The following SORCS1 variants were observed in gnomAD, a reference collection of about 807,000 sequenced individuals.
The protein encoded by SORCS1 is sortilin related VPS10 domain containing receptor 1.
Under a neutral mutation model 146.1 loss-of-function variants are expected in SORCS1, and 60 were observed. The observed-to-expected ratio is 0.41, with a 90% CI of 0.33 to 0.51. The LOEUF (loss-of-function observed/expected upper bound fraction) is 0.51, where lower values mean the gene tolerates loss of function less well. SORCS1 is among the 20% of genes least tolerant of loss of function. The probability of loss-of-function intolerance (pLI) is 0.21; values close to 1 mark genes in which losing one functional copy is unlikely to be tolerated. For missense variants in SORCS1, 1,352 were observed against 1,487.6 expected, an observed-to-expected ratio of 0.91 and a Z score of 1.50; for synonymous variants, 637 against 584.0, an observed-to-expected ratio of 1.09 and a Z score of -1.31.
chr10:107,085,228 G>A (rs138144811), intron 1 of SORCS1, among the ~76,000 whole-genome samples: 2 of 152,250 alleles, frequency 1.3e-5, no homozygotes, highest in African/African-American at 2.4e-5. Context: ...ACTCTATCTC[G>A]AGGACCCTGA....
chr10:107,175,343 ATTTG>A, the SORCS1 span, among the ~76,000 whole-genome samples: 2 of 152,058 alleles, frequency 1.3e-5, no homozygotes, highest in Non-Finnish European at 2.9e-5. Flanking sequence ...TTTCTTCCTT[ATTTG>A]TTTGAATGAA....
At chr10:106,596,385 T>C (rs937259746) in intron 24 of SORCS1, among the ~76,000 whole-genome samples, 5 of 152,238 alleles carry the variant, frequency 3.3e-5, no homozygotes, top group African/African-American at 1.2e-4. Flanking sequence ...TAAATATTGT[T>C]AATTTATTAT....
intron 6 of SORCS1, among the ~76,000 whole-genome samples, chr10:106,723,200 A>G (rs1488150239): frequency 6.6e-6 from 1 of 152,150 alleles, no homozygotes; most frequent in Non-Finnish European, 1.5e-5. Flanking sequence ...TTGGGCTCTA[A>G]GTTATCTTTT....
At chr10:106,946,026 C>G (rs577271480) in intron 2 of SORCS1, among the ~76,000 whole-genome samples, 1 of 152,128 alleles carries the variant, frequency 6.6e-6, no homozygotes. Context: ...GGGCTTTTCC[C>G]ACTTGGCACT....
intron 1 of SORCS1, among the ~76,000 whole-genome samples, chr10:107,131,987 A>T (rs540042945): frequency 4.7e-4 from 72 of 152,350 alleles, no homozygotes; most frequent in Admixed American, 1.3e-3. Context: ...TTTGTTTTCC[A>T]TCAATGTTTC....
In SORCS1 at chr10:107,130,593, C is replaced by G. The variant is rs563978296; in HGVS notation, c.558+33376G>C. Among the ~76,000 whole-genome samples the G allele has an allele frequency of 2.6e-5, 4 of 152,264 alleles. No individual in the cohort carries two copies. The East Asian group carries it at 7.7e-4, about 29-fold the overall frequency. On this transcript the variant is annotated intron_variant, in intron 1 of 25. Coordinates refer to ENST00000263054, the MANE Select transcript of SORCS1 (RefSeq NM_052918.5). ...CAAGAGCTTCTGTGCAGCAGACAGG[C>G]AATGGATGGGAGCACAAAAATGTAA...
At chr10:107,180,588 A>G in the SORCS1 span, among the ~76,000 whole-genome samples, 1 of 151,686 alleles carries the variant, frequency 6.6e-6, no homozygotes, top group African/African-American at 2.4e-5. Flanking sequence ...TCTTTGTTTC[A>G]TTGATGTTTT....
intron 2 of SORCS1, among the ~76,000 whole-genome samples, chr10:106,910,900 C>T (rs1952119858): frequency 6.6e-6 from 1 of 152,158 alleles, no homozygotes; most frequent in Non-Finnish European, 1.5e-5. Flanking sequence ...GCTTAATGTG[C>T]ATAAGTAGCA....
intron 16 of SORCS1, among the ~76,000 whole-genome samples, chr10:106,669,518 C>G (rs188746475): frequency 2.0e-5 from 3 of 152,202 alleles, no homozygotes; most frequent in African/African-American, 7.2e-5. Context: ...GCAGCAGTGG[C>G]TTCAGAAAGA....
chr10:106,621,300 C>T (rs1271388629), intron 19 of SORCS1, among the ~76,000 whole-genome samples: 2 of 152,154 alleles, frequency 1.3e-5, no homozygotes, highest in Non-Finnish European at 2.9e-5. Context: ...AGGACCTTTC[C>T]TTCAACCCTC....
At position 106,840,452 on chromosome 10, in the gene SORCS1, G is replaced by T. The variant is rs577939821; in HGVS notation, c.627-10779C>A. Among the ~76,000 whole-genome samples, 4 of 152,186 alleles carry T rather than the reference G, an allele frequency of 2.6e-5. No individual in the cohort carries two copies. The South Asian group carries it at 8.3e-4, about 32-fold the overall frequency. ...ATCACACTTGAACCAATGAGGAGTT[G>T]CTTCTTATGGATAAGCAAAGAATGT... On this transcript the variant is annotated intron_variant, in intron 2 of 25. Coordinates refer to ENST00000263054, the MANE Select transcript of SORCS1 (RefSeq NM_052918.5).
chr10:106,604,570 C>T (rs936135186), intron 23 of SORCS1, among the ~76,000 whole-genome samples: 1 of 152,168 alleles, frequency 6.6e-6, no homozygotes, highest in Admixed American at 6.5e-5. Flanking sequence ...AACAAATTTA[C>T]AGTCTCTAGC....
intron 9 of SORCS1, among the ~76,000 whole-genome samples, chr10:106,698,403 T>A (rs1287743609): frequency 6.6e-6 from 1 of 152,212 alleles, no homozygotes; most frequent in Non-Finnish European, 1.5e-5. Flanking sequence ...TTGTTACACT[T>A]CCCAAATTCT....
chr10:106,809,370 C>A (rs1169123573), intron 3 of SORCS1, among the ~76,000 whole-genome samples: 1 of 152,100 alleles, frequency 6.6e-6, no homozygotes, highest in Non-Finnish European at 1.5e-5. Context: ...TGCTCTGCTG[C>A]CAGGCTGCCC....
In SORCS1 at chr10:106,684,078, G is replaced by T. The variant is rs1174760259; in HGVS notation, c.1560+4114C>A. On this transcript the variant is annotated intron_variant, in intron 10 of 25. Coordinates refer to ENST00000263054, the MANE Select transcript of SORCS1 (RefSeq NM_052918.5). ...AGGCCGGGCACGGTGGCTCATGCCT[G>T]TAATCCCAGCACTTTGGGAAGCCAA... 3.3e-5 allele frequency among the ~76,000 whole-genome samples: 5 copies of T among 152,200 alleles called. No individual in the cohort carries two copies. In the South Asian group the frequency reaches 1.0e-3, roughly 32 times the overall value.
chr10:106,805,025 A>T (rs145420251), intron 3 of SORCS1, among the ~76,000 whole-genome samples: 1 of 152,096 alleles, frequency 6.6e-6, no homozygotes, highest in Non-Finnish European at 1.5e-5. Flanking sequence ...ATTTGTATCA[A>T]CCTCAGAACC....
chr10:106,663,115 G>GA (rs1050915014), intron 17 of SORCS1, among the ~76,000 whole-genome samples: 2 of 151,984 alleles, frequency 1.3e-5, no homozygotes, highest in Admixed American at 6.6e-5. Context: ...TATAGTGGCA[G>GA]AAAAAACAAA....
intron 1 of SORCS1, among the ~76,000 whole-genome samples, chr10:107,057,220 C>CA (rs1960729137): frequency 6.6e-6 from 1 of 151,996 alleles, no homozygotes; most frequent in African/African-American, 2.4e-5. Context: ...GATCCATCCC[C>CA]AGAAAAAAAA....
At chr10:107,049,791 T>C (rs1357925087) in intron 1 of SORCS1, among the ~76,000 whole-genome samples, 1 of 152,192 alleles carries the variant, frequency 6.6e-6, no homozygotes, top group East Asian at 1.9e-4. Context: ...TTGTTAATTA[T>C]GCAGTAAAAA....
Sources: gnomAD v4.1 joint callset for allele counts (sites outside exome capture counted in the v4.1 genomes callset) on GRCh38, gnomAD v4.1.1 for gene constraint, MANE v1.5 for transcripts, NCBI Gene and HGNC (gene_info 2026-07-23, HGNC 2026-07-21) for gene names.